The following ST3GAL3 variants were observed in gnomAD, a reference collection of about 807,000 sequenced individuals.
The protein encoded by ST3GAL3 is ST3 beta-galactoside alpha-2,3-sialyltransferase 3.
Under a neutral mutation model 50.1 loss-of-function variants are expected in ST3GAL3, and 21 were observed. That is an observed-to-expected ratio of 0.42 (90% CI 0.30 to 0.60). The LOEUF (loss-of-function observed/expected upper bound fraction) is 0.60. Ranked by LOEUF, ST3GAL3 falls within the 20% of genes least tolerant of loss-of-function variation. The pLI, the probability that ST3GAL3 is intolerant of heterozygous loss-of-function variation, is 0.19. For synonymous variants in ST3GAL3, 183 were observed against 190.0 expected (o/e 0.96, Z 0.30); for missense variants, 353 against 489.4 (o/e 0.72, Z 2.63).
intron 11 of ST3GAL3, among the ~76,000 whole-genome samples, chr1:43,924,535 G>A (rs572847608): frequency 1.3e-5 from 2 of 152,342 alleles, no homozygotes; most frequent in African/African-American, 4.8e-5. Context: ...GGAGACATGG[G>A]TGAGTTTGAG....
At chr1:43,743,589 G>A in intron 2 of ST3GAL3, 1 of 365,092 alleles carries the variant, frequency 2.7e-6, no homozygotes, top group Non-Finnish European at 5.5e-6. Flanking sequence ...GAGAGGGTCT[G>A]TCAGTGAGGC....
intron 4 of ST3GAL3, among the ~76,000 whole-genome samples, chr1:43,836,889 G>A (rs1471843010): frequency 6.6e-6 from 1 of 152,218 alleles, no homozygotes; most frequent in Non-Finnish European, 1.5e-5. Context: ...GATGTGAGGT[G>A]GCATGATTAT....
intron 2 of ST3GAL3, chr1:43,772,095 G>A: frequency 2.5e-6 from 1 of 396,178 alleles, no homozygotes; most frequent in Non-Finnish European, 4.4e-6. Context: ...CACTCTTGTT[G>A]CTGGAGTGTG....
At chr1:43,850,873 T>G in intron 5 of ST3GAL3, 2 of 1,258,846 alleles carry the variant, frequency 1.6e-6, no homozygotes, top group South Asian at 2.4e-5. Flanking sequence ...ACAGCAGAGT[T>G]GATGAGAGAC....
At chr1:43,766,519 G>C (rs563443365) in intron 2 of ST3GAL3, among the ~76,000 whole-genome samples, 1 of 152,312 alleles carries the variant, frequency 6.6e-6, no homozygotes, top group Admixed American at 6.5e-5. Flanking sequence ...GGGGACCTGG[G>C]AAAGTGCTCT....
At chr1:43,820,775 A>G (rs1396612981) in intron 4 of ST3GAL3, among the ~76,000 whole-genome samples, 1 of 152,206 alleles carries the variant, frequency 6.6e-6, no homozygotes, top group Non-Finnish European at 1.5e-5. Flanking sequence ...CTGTTGTTGA[A>G]GAAGGCAGAA....
intron 1 of ST3GAL3, among the ~76,000 whole-genome samples, chr1:43,717,504 T>TG (rs1253746129): frequency 6.6e-6 from 1 of 151,548 alleles, no homozygotes; most frequent in East Asian, 1.9e-4. Flanking sequence ...TTTCTAATTT[T>TG]TTTTTTTTTT....
chr1:43,910,480 G>A (rs562031854), intron 9 of ST3GAL3, among the ~76,000 whole-genome samples: 2 of 152,354 alleles, frequency 1.3e-5, no homozygotes, highest in African/African-American at 4.8e-5. Context: ...AGAACTAGTA[G>A]GACAATGCAC....
chr1:43,849,338 G>T (rs1445133635), intron 5 of ST3GAL3, among the ~76,000 whole-genome samples: 2 of 151,058 alleles, frequency 1.3e-5, no homozygotes, highest in Admixed American at 6.6e-5. Flanking sequence ...TCAATATTTT[G>T]ACAGAAAAGG....
intron 4 of ST3GAL3, among the ~76,000 whole-genome samples, chr1:43,833,070 T>A (rs2063762029): frequency 6.6e-6 from 1 of 152,186 alleles, no homozygotes; most frequent in Non-Finnish European, 1.5e-5. Context: ...GGAGCAGGCA[T>A]GGTAGGGGCT....
intron 5 of ST3GAL3, among the ~76,000 whole-genome samples, chr1:43,887,336 C>T (rs148816911): frequency 3.7e-4 from 56 of 152,156 alleles, no homozygotes; most frequent in African/African-American, 9.6e-4. Context: ...GTGGAACCAA[C>T]GGGTACAGGA....
At chr1:43,817,389 TCTC>T (rs1479712710) in intron 4 of ST3GAL3, among the ~76,000 whole-genome samples, 3 of 47,756 alleles carry the variant, frequency 6.3e-5, no homozygotes, top group Middle Eastern at 8.3e-3. Flanking sequence ...TCCTTCTTCT[TCTC>T]CTCCTTTTTC....
chr1:43,744,949 C>T (rs552332440), intron 2 of ST3GAL3, among the ~76,000 whole-genome samples: 9 of 151,776 alleles, frequency 5.9e-5, no homozygotes, highest in African/African-American at 1.9e-4. Context: ...CAAGATCGTG[C>T]CACTGCATTC....
At chr1:43,882,978 T>TATTTTTG (rs1553427139) in intron 5 of ST3GAL3, among the ~76,000 whole-genome samples, 1 of 121,048 alleles carries the variant, frequency 8.3e-6, no homozygotes, top group South Asian at 2.6e-4. Flanking sequence ...TTTATTTATT[T>TATTTTTG]AGAGACAGGC....
intron 1 of ST3GAL3, among the ~76,000 whole-genome samples, chr1:43,717,484 TC>T (rs1244826734): frequency 1.3e-5 from 2 of 151,726 alleles, no homozygotes; most frequent in Non-Finnish European, 2.9e-5. Flanking sequence ...ATTTTGTTTT[TC>T]TTTTTTCTTT....
intron 3 of ST3GAL3, chr1:43,801,461 G>A (rs1473063244): frequency 1.1e-5 from 5 of 437,170 alleles, no homozygotes; most frequent in Non-Finnish European, 2.3e-5. Context: ...CCTGGCTTCA[G>A]GAACCTTCAA....
intron 2 of ST3GAL3, among the ~76,000 whole-genome samples, chr1:43,768,201 A>G (rs1370845540): frequency 6.6e-6 from 1 of 152,180 alleles, no homozygotes; most frequent in Non-Finnish European, 1.5e-5. Context: ...TTGAGAGGCC[A>G]GTATTTGAGG....
At chr1:43,763,812 A>C (rs954534894) in intron 2 of ST3GAL3, among the ~76,000 whole-genome samples, 1 of 152,120 alleles carries the variant, frequency 6.6e-6, no homozygotes. Context: ...GGAATCCTCT[A>C]TATCTGCCTT....
intron 5 of ST3GAL3, among the ~76,000 whole-genome samples, chr1:43,878,069 G>T (rs1326220749): frequency 2.0e-5 from 3 of 152,162 alleles, no homozygotes; most frequent in Non-Finnish European, 4.4e-5. Flanking sequence ...AGCAGGGCTG[G>T]GCTCCCTCCA....
Sources: allele counts gnomAD v4.1 joint callset (sites outside exome capture counted in the v4.1 genomes callset), GRCh38; gene constraint gnomAD v4.1.1; transcripts MANE v1.5; gene names NCBI Gene and HGNC (gene_info 2026-07-23, HGNC 2026-07-21).